The following GALNT13 variants were observed in gnomAD, a reference collection of about 807,000 sequenced individuals.
GALNT13 encodes UDP-GalNAc:polypeptide N-acetylgalactosaminyltransferase 13.
In GALNT13, 28 loss-of-function variants were observed where a neutral mutation model predicts 64.2. The ratio of observed to expected loss-of-function variants is 0.44; its 90% CI spans 0.32 to 0.60. The LOEUF (loss-of-function observed/expected upper bound fraction) is 0.60, where lower values mean the gene tolerates loss of function less well. Ranked by LOEUF, GALNT13 falls within the 20% of genes least tolerant of loss-of-function variation. The probability of loss-of-function intolerance (pLI) is 0.05; values close to 1 mark genes in which losing one functional copy is unlikely to be tolerated. For synonymous variants in GALNT13, 214 were observed against 224.6 expected (o/e 0.95, Z 0.42); for missense variants, 577 against 669.8 (o/e 0.86, Z 1.53).
At chr2:154,308,293 G>A (rs1693851468) in intron 9 of GALNT13, among the ~76,000 whole-genome samples, 1 of 151,978 alleles carries the variant, frequency 6.6e-6, no homozygotes, top group Admixed American at 6.6e-5. Flanking sequence ...TTTTAAAAAT[G>A]CTTAAGAAAA....
the GALNT13 span, among the ~76,000 whole-genome samples, chr2:153,094,463 C>A: frequency 3.3e-5 from 5 of 152,096 alleles, no homozygotes; most frequent in Admixed American, 3.3e-4. Context: ...CCATACTGCC[C>A]AAGGTAATTT....
chr2:153,622,344 G>T, the GALNT13 span, among the ~76,000 whole-genome samples: 11 of 152,072 alleles, frequency 7.2e-5, no homozygotes, highest in Admixed American at 4.6e-4. Context: ...ATATTCATTT[G>T]TAACTACGAG....
chr2:153,753,146 CTT>C, the GALNT13 span, among the ~76,000 whole-genome samples: 1 of 152,088 alleles, frequency 6.6e-6, no homozygotes. Context: ...TGAATTCCTT[CTT>C]TGTTGTCTTG....
At chr2:153,552,825 T>C in the GALNT13 span, among the ~76,000 whole-genome samples, 1 of 152,070 alleles carries the variant, frequency 6.6e-6, no homozygotes, top group African/African-American at 2.4e-5. Context: ...CATCAGGCAT[T>C]AGATTCTCAT....
intron 3 of GALNT13, among the ~76,000 whole-genome samples, chr2:153,981,084 A>C (rs1694428984): frequency 6.6e-6 from 1 of 152,180 alleles, no homozygotes; most frequent in South Asian, 2.1e-4. Flanking sequence ...AATATTTGAG[A>C]ATGAAGCCAT....
At chr2:153,847,312 C>G in the GALNT13 span, among the ~76,000 whole-genome samples, 1 of 151,772 alleles carries the variant, frequency 6.6e-6, no homozygotes, top group Non-Finnish European at 1.5e-5. Flanking sequence ...ATTCTGAATA[C>G]AAATCTTTCA....
chr2:153,651,049 A>G, the GALNT13 span, among the ~76,000 whole-genome samples: 1 of 152,078 alleles, frequency 6.6e-6, no homozygotes, highest in African/African-American at 2.4e-5. Context: ...GTTATTCAAA[A>G]TAAATAACTT....
At chr2:153,404,346 A>T in the GALNT13 span, among the ~76,000 whole-genome samples, 22 of 152,196 alleles carry the variant, frequency 1.4e-4, no homozygotes, top group Admixed American at 9.8e-4. Context: ...ATGAATCAGA[A>T]ATCTTAATAA....
the GALNT13 span, chr2:153,478,887 CG>C: frequency 1.8e-5 from 6 of 330,262 alleles, no homozygotes; most frequent in Non-Finnish European, 3.4e-5. Flanking sequence ...GCTGCAGCGG[CG>C]GGGTGGCTGC....
intron 3 of GALNT13, among the ~76,000 whole-genome samples, chr2:154,137,091 A>G (rs1053860464): frequency 6.6e-6 from 1 of 152,144 alleles, no homozygotes; most frequent in Non-Finnish European, 1.5e-5. Flanking sequence ...GCTTAAGACC[A>G]GTGATAAGTC....
chr2:154,014,877 C>T lies in GALNT13; in HGVS notation c.142+70238C>T, dbSNP rs183198735. 3.9e-3 allele frequency among the ~76,000 whole-genome samples: 600 copies of T among 151,934 alleles called. 2 individuals carry two copies. Among genetic ancestry groups the T allele is most frequent in the African/African-American group, 0.014 (569 of 41,466 alleles). On this transcript the variant is annotated intron_variant, in intron 3 of 12. Coordinates refer to ENST00000392825, the MANE Select transcript of GALNT13 (RefSeq NM_052917.4). ...CGATCTCCTGACCTCATGATCTGCC[C>T]GCCTCAGCCTCCCAAAGTGCTGGGA...
chr2:153,994,396 T>G (rs1695376873), intron 3 of GALNT13, among the ~76,000 whole-genome samples: 1 of 152,212 alleles, frequency 6.6e-6, no homozygotes, highest in Non-Finnish European at 1.5e-5. Context: ...CATCTTCTTA[T>G]AGCAGCACGA....
the GALNT13 span, among the ~76,000 whole-genome samples, chr2:153,204,400 C>T: frequency 6.6e-6 from 1 of 152,292 alleles, no homozygotes; most frequent in East Asian, 1.9e-4. Flanking sequence ...GCTTGGGCAC[C>T]AAATGGGCCT....
At chr2:153,644,055 T>C in the GALNT13 span, among the ~76,000 whole-genome samples, 1 of 151,846 alleles carries the variant, frequency 6.6e-6, no homozygotes, top group South Asian at 2.1e-4. Flanking sequence ...GGAGATCTTA[T>C]CAGTATGGTA....
intron 3 of GALNT13, among the ~76,000 whole-genome samples, chr2:154,095,160 T>A (rs908216219): frequency 2.6e-5 from 4 of 151,902 alleles, no homozygotes; most frequent in African/African-American, 9.7e-5. Flanking sequence ...AAATCTGGCA[T>A]GTATTGTTCA....
intron 4 of GALNT13, among the ~76,000 whole-genome samples, chr2:154,199,147 T>C (rs1211409303): frequency 1.3e-5 from 2 of 151,994 alleles, no homozygotes; most frequent in African/African-American, 4.8e-5. Context: ...CATGCTTGTA[T>C]TCTTTGATTA....
chr2:153,400,571 G>C, the GALNT13 span, among the ~76,000 whole-genome samples: 12 of 152,114 alleles, frequency 7.9e-5, no homozygotes, highest in African/African-American at 2.9e-4. Context: ...CTTTTTGGTT[G>C]GTAAGCTATT....
the GALNT13 span, among the ~76,000 whole-genome samples, chr2:153,121,573 C>T: frequency 2.0e-5 from 3 of 151,970 alleles, no homozygotes; most frequent in South Asian, 6.3e-4. Context: ...ACTCTGTTGC[C>T]CAGGCTGGAG....
At chr2:154,184,881 A>C (rs539908708) in intron 4 of GALNT13, among the ~76,000 whole-genome samples, 5 of 152,274 alleles carry the variant, frequency 3.3e-5, no homozygotes, top group African/African-American at 1.2e-4. Flanking sequence ...TAGAATTAAA[A>C]GTGATTTATA....
Sources: gnomAD v4.1 joint callset for allele counts (sites outside exome capture counted in the v4.1 genomes callset) on GRCh38, gnomAD v4.1.1 for gene constraint, MANE v1.5 for transcripts, NCBI Gene and HGNC (gene_info 2026-07-23, HGNC 2026-07-21) for gene names.